Variants in DNAH14 observed in about 807,000 individuals in gnomAD.
DNAH14 encodes dynein axonemal heavy chain 14, also known as axonemal beta dynein heavy chain 14.
DNAH14 carries 478 observed loss-of-function variants against 520.9 expected under a neutral mutation model. The observed-to-expected ratio is 0.92, with a 90% CI of 0.85 to 0.99. The LOEUF (loss-of-function observed/expected upper bound fraction) is 0.99, where lower values mean the gene tolerates loss of function less well. DNAH14 is among the 50% of genes least tolerant of loss of function. DNAH14 has a pLI of 0.00. For missense variants in DNAH14, 4,831 were observed against 5,234.5 expected (o/e 0.92, Z 2.38); for synonymous variants, 1,581 against 1,757.2 (o/e 0.90, Z 2.51).
At chr1:225,032,655 A>G (rs927604408) in intron 11 of DNAH14, among the ~76,000 whole-genome samples, 16 of 152,116 alleles carry the variant, frequency 1.1e-4, no homozygotes, top group African/African-American at 3.9e-4. Context: ...AGTAATCGCC[A>G]TACTGTTTTC....
chr1:225,272,132 A>G (rs1286856951), intron 51 of DNAH14, 59 bp downstream of exon 51: 2 of 1,440,682 alleles, frequency 1.4e-6, no homozygotes, highest in South Asian at 1.3e-5. Flanking sequence ...TCTCTCTCAT[A>G]CTGTCAACAT....
chr1:225,135,971 G>A (rs1259408487), intron 27 of DNAH14, among the ~76,000 whole-genome samples: 4 of 152,008 alleles, frequency 2.6e-5, no homozygotes, highest in African/African-American at 9.7e-5. Flanking sequence ...AACTAGGGTT[G>A]CTACTCCTGC....
At chr1:224,931,879 G>A (rs758123429) in intron 1 of DNAH14, among the ~76,000 whole-genome samples, 12 of 152,038 alleles carry the variant, frequency 7.9e-5, no homozygotes, top group Non-Finnish European at 1.3e-4. Context: ...GGTTAATTCT[G>A]TATCTTTGCT....
rs1379863821 is a variant in DNAH14, at chr1:225,100,814, C to T, written c.3797C>T (p.Thr1266Ile). 1 of 1,536,402 alleles carries T rather than the reference C, an allele frequency of 6.5e-7. No homozygotes were observed. The highest frequency in any genetic ancestry group is 8.8e-7 in the Non-Finnish European group (1 of 1,142,096). ...QNKQNALQIT[T>I]SAGVLEILQN... ...AAACAGAATGCTTTGCAGATAACCA[C>T]TTCTGCAGGAGTCCTTGAAATTCTG... The change falls in exon 23 of 86, where the codon ACT becomes ATT. Residue 1266 changes from threonine to isoleucine, a missense_variant. Coordinates refer to ENST00000682510, the MANE Select transcript of DNAH14 (RefSeq NM_001367479.1).
chr1:225,310,620 C>T (rs543405326), intron 60 of DNAH14, among the ~76,000 whole-genome samples: 2 of 152,216 alleles, frequency 1.3e-5, no homozygotes, highest in African/African-American at 4.8e-5. Flanking sequence ...CCCGACAGGC[C>T]CCAGTGTGTG....
intron 41 of DNAH14, among the ~76,000 whole-genome samples, chr1:225,229,163 T>C (rs532080427): frequency 1.1e-4 from 16 of 152,348 alleles, no homozygotes; most frequent in African/African-American, 3.8e-4. Context: ...GACTCTCATC[T>C]GCAGTGCTGA....
intron 23 of DNAH14, among the ~76,000 whole-genome samples, chr1:225,117,042 G>T (rs1288131741): frequency 6.6e-6 from 1 of 152,044 alleles, no homozygotes; most frequent in Non-Finnish European, 1.5e-5. Flanking sequence ...TTAGGGGGAG[G>T]CCTATTGCAA....
At chr1:225,347,095 T>C (rs912911108) in intron 71 of DNAH14, among the ~76,000 whole-genome samples, 1 of 152,258 alleles carries the variant, frequency 6.6e-6, no homozygotes, top group Non-Finnish European at 1.5e-5. Context: ...AATATGTTTA[T>C]TGTCTAAACT....
At chr1:225,024,068 A>C in intron 11 of DNAH14, 4 of 1,191,866 alleles carry the variant, frequency 3.4e-6, no homozygotes, top group Non-Finnish European at 4.2e-6. Flanking sequence ...TGCGCAGTAA[A>C]ATTTGAATTT....
chr1:225,010,891 T>A (rs1203061275), intron 10 of DNAH14, among the ~76,000 whole-genome samples: 7 of 152,180 alleles, frequency 4.6e-5, no homozygotes, highest in Admixed American at 4.6e-4. Flanking sequence ...ATAGAGGTAT[T>A]TATAGTATTC....
intron 37 of DNAH14, among the ~76,000 whole-genome samples, chr1:225,187,287 C>A (rs1454344582): frequency 1.3e-5 from 2 of 151,728 alleles, no homozygotes; most frequent in Non-Finnish European, 3.0e-5. Context: ...AGGAGAACAC[C>A]CCTTTCTCAT....
chr1:225,261,667 G>A (rs2092940137), intron 46 of DNAH14, among the ~76,000 whole-genome samples: 1 of 152,036 alleles, frequency 6.6e-6, no homozygotes, highest in African/African-American at 2.4e-5. Context: ...AATTAGTTTG[G>A]CAGTATTCCC....
chr1:225,223,681 G>A (rs1346480864), intron 41 of DNAH14, among the ~76,000 whole-genome samples: 2 of 152,050 alleles, frequency 1.3e-5, no homozygotes, highest in South Asian at 2.1e-4. Context: ...CTTAAAGGAC[G>A]ACTTCTATAC....
intron 56 of DNAH14, among the ~76,000 whole-genome samples, chr1:225,301,258 C>G (rs2094134129): frequency 6.6e-6 from 1 of 151,984 alleles, no homozygotes; most frequent in Non-Finnish European, 1.5e-5. Flanking sequence ...AAAAATAATA[C>G]CAGCTGGAGG....
rs1208920279 is a variant in DNAH14 at position 225,122,247 on chromosome 1, TC to T, written c.4167-1279del. ...TAAAATAGCTGGTCATTCTTGGTTA[TC>T]TTTTCATATTTATACTGGTGAGTCC... is the stretch of plus-strand genomic sequence containing the variant. On this transcript the variant is annotated intron_variant, in intron 26 of 85. Coordinates refer to ENST00000682510, the MANE Select transcript of DNAH14 (RefSeq NM_001367479.1). 6.6e-5 allele frequency among the ~76,000 whole-genome samples: 10 copies of T among 152,340 alleles called. No individual in the cohort carries two copies. The South Asian group carries it at 1.7e-3, about 25-fold the overall frequency.
At chr1:225,236,162 T>C (rs2091564011) in intron 42 of DNAH14, among the ~76,000 whole-genome samples, 1 of 152,184 alleles carries the variant, frequency 6.6e-6, no homozygotes, top group Admixed American at 6.5e-5. Flanking sequence ...TGTGGGCATT[T>C]AGTGCTATAA....
intron 35 of DNAH14, among the ~76,000 whole-genome samples, chr1:225,166,198 C>T (rs2082029930): frequency 6.6e-6 from 1 of 152,128 alleles, no homozygotes; most frequent in South Asian, 2.1e-4. Flanking sequence ...TCAAGTATTT[C>T]CACATGCCCA....
chr1:225,298,553 T>C (rs1052452327), intron 55 of DNAH14, among the ~76,000 whole-genome samples: 19 of 152,124 alleles, frequency 1.2e-4, no homozygotes, highest in Admixed American at 1.2e-3. Context: ...CAGCTGGGGT[T>C]GTGGCATATA....
chr1:225,392,251 G>A (rs1354156712), intron 83 of DNAH14, 40 bp from the exon 84 acceptor site: 1 of 1,548,310 alleles, frequency 6.5e-7, no homozygotes, highest in Non-Finnish European at 8.7e-7. Flanking sequence ...GAGGCCCTGA[G>A]ACTCACAAGG....
Sources: allele counts gnomAD v4.1 joint callset (sites outside exome capture counted in the v4.1 genomes callset), GRCh38; gene constraint gnomAD v4.1.1; transcripts MANE v1.5; gene names NCBI Gene and HGNC (gene_info 2026-07-23, HGNC 2026-07-21).